PAN2: variants seen among roughly 807,000 people sequenced by gnomAD.
PAN2 encodes poly(A) specific ribonuclease subunit PAN2.
PAN2 carries 68 observed loss-of-function variants against 133.3 expected under a neutral mutation model. The observed-to-expected ratio is 0.51, with a 90% CI of 0.42 to 0.62. The LOEUF is 0.62. Ranked by LOEUF, PAN2 falls within the 20% of genes least tolerant of loss-of-function variation. The pLI is 0.00. For missense variants in PAN2, 1,042 were observed against 1,500.5 expected (o/e 0.69, Z 5.05); for synonymous variants, 462 against 544.6 (o/e 0.85, Z 2.11).
At chr12:56,333,387 C>T (rs1876124614) in intron 1 of PAN2, 179 bp from the exon 2 acceptor site, 1 of 454,456 alleles carries the variant, frequency 2.2e-6, no homozygotes, top group African/African-American at 2.0e-5. Flanking sequence ...GAACTGTTGT[C>T]CCTATCCCTC....
intron 13 of PAN2, 38 bp from the exon 14 acceptor site, chr12:56,323,951 C>T: frequency 2.5e-6 from 4 of 1,605,826 alleles, no homozygotes; most frequent in Non-Finnish European, 3.4e-6. Context: ...TGGTTCTCCC[C>T]TCTACCCACA....
At chr12:56,318,180 C>CA in intron 25 of PAN2, 57 bp downstream of exon 25, 1 of 1,469,236 alleles carries the variant, frequency 6.8e-7, no homozygotes, top group Non-Finnish European at 9.5e-7. Context: ...CTGTCACAAA[C>CA]AAACAAAATA....
chr12:56,326,511 C>A, intron 7 of PAN2, 102 bp from the exon 8 acceptor site: 2 of 1,505,636 alleles, frequency 1.3e-6, no homozygotes, highest in Non-Finnish European at 1.8e-6. Context: ...TGAAGGTAGA[C>A]AAAAATCAGG....
At chr12:56,322,896 C>G in intron 17 of PAN2, 138 bp from the exon 18 acceptor site, 1 of 1,247,720 alleles carries the variant, frequency 8.0e-7, no homozygotes, top group South Asian at 1.4e-5. Flanking sequence ...CCATCTAGGA[C>G]CCCAACACTG....
chr12:56,320,231 C>G (rs1874331213), intron 20 of PAN2, among the ~76,000 whole-genome samples: 1 of 152,066 alleles, frequency 6.6e-6, no homozygotes, highest in Non-Finnish European at 1.5e-5. Context: ...GAGAAAAAAC[C>G]AGAAAAGACC....
rs201010961 is a variant in PAN2 at position 56,324,598 on chromosome 12, G to A, written c.1711C>T (p.Arg571Cys). The change falls in exon 11 of 26, where the codon CGT (arginine) becomes TGT (cysteine). Residue 571 changes from arginine (R) to cysteine (C), a missense_variant. Physicochemically the swap from Arg to Cys is radical, Grantham distance 180. Coordinates refer to ENST00000440411, the MANE Select transcript of PAN2 (RefSeq NM_014871.6). ...GTACTGACCTGGCAAGGGTCACCAC[G>A]AGAGAGGTCCAACATGTGAAACAGG... is the stretch of plus-strand genomic sequence containing the variant. Reference protein sequence around the residue: ...GFLFHMLDLSRGDPCQGNNFL... With the variant: ...GFLFHMLDLSCGDPCQGNNFL... 14 of 1,614,036 alleles carry A rather than the reference G, an allele frequency of 8.7e-6. No homozygotes were observed. The Admixed American group carries it at 1.2e-4, about 13-fold the overall frequency.
In PAN2 at chr12:56,318,315, C is replaced by T; in HGVS notation, c.3484G>A (p.Val1162Met). ...CCCTTCTCATAAAGACCCTTGAGCA[C>T]CTTGTGGAAAGACTCAGGCTCAGTG... ...NGTEPESFHK[V>M]LKGLYEKGRK... Residue 1162 changes from valine (V) to methionine (M), a missense_variant, in exon 25 of 26, where the codon GTG (valine) becomes ATG (methionine). Val to Met is a conservative substitution (Grantham distance 21). This residue lies in a region of PAN2 where 85 missense variants were observed against 116.5 expected (regional missense o/e 0.73). Transcript: ENST00000440411. 1.2e-6 allele frequency: 2 copies of T among 1,614,124 alleles called. No individual in the cohort carries two copies. Among genetic ancestry groups the T allele is most frequent in the Non-Finnish European group, 1.7e-6 (2 of 1,180,014 alleles).
chr12:56,326,349 G>A lies in PAN2; in HGVS notation c.1323C>T (p.Gly441=). Residue 441 remains glycine, a synonymous_variant, in exon 8 of 26, where the codon GGC becomes GGT. Transcript: ENST00000440411. The stretch of plus-strand genomic sequence containing the variant: ...GCCTGGTGCGGGGATTGGGCGCATA[G>A]CCAATGAAGCCCACCTTCTTCATGG... The part of the protein sequence containing the change: ...LRTMKKVGFI[G]YAPNPRTRLR... 1 of 1,605,294 alleles carries A rather than the reference G, an allele frequency of 6.2e-7. No homozygotes were observed. The highest frequency in any genetic ancestry group is 8.5e-7 in the Non-Finnish European group (1 of 1,174,034).
Position 56,324,982 on chromosome 12 carries a change from C to T in PAN2, c.1599+27G>A, listed in dbSNP as rs1323824948. ...GAAGAAGAAAAGCAGCAGGCACGTT[C>T]AAGTTACAGGAATACCCAACCCTTA... On this transcript the variant is annotated intron_variant, in intron 10 of 25. Transcript: ENST00000440411. 4 of 1,611,542 alleles carry T rather than the reference C, an allele frequency of 2.5e-6. No homozygotes were observed. The East Asian group carries it at 8.9e-5, about 36-fold the overall frequency.
intron 8 of PAN2, among the ~76,000 whole-genome samples, 186 bp downstream of exon 8, chr12:56,326,127 C>T (rs1271119957): frequency 1.3e-5 from 2 of 152,230 alleles, no homozygotes; most frequent in African/African-American, 4.8e-5. Context: ...CAACCAAATA[C>T]TAAACTTCCT....
intron 24 of PAN2, chr12:56,318,679 T>C (rs1348424179): frequency 8.1e-6 from 4 of 494,044 alleles, no homozygotes; most frequent in South Asian, 6.6e-5. Flanking sequence ...CTTTTTCTTT[T>C]CCCCCCATGC....
At chr12:56,333,342 C>T in intron 1 of PAN2, 134 bp from the exon 2 acceptor site, 2 of 410,794 alleles carry the variant, frequency 4.9e-6, no homozygotes, top group South Asian at 2.5e-5. Context: ...ATGAAGCAGG[C>T]GGGGGAGGGA....
Position 56,321,867 on chromosome 12 carries a change from T to A in PAN2, c.2788+211A>T, listed in dbSNP as rs55639031. Among the ~76,000 whole-genome samples, 109 of 150,120 alleles carry A rather than the reference T, an allele frequency of 7.3e-4. 2 individuals are homozygous for A. Among genetic ancestry groups the A allele is most frequent in the African/African-American group, 2.1e-3 (85 of 40,822 alleles). On this transcript the variant is annotated intron_variant, in intron 20 of 25. Transcript: ENST00000440411. ...CTGCATCTCAAAAAAAAAAAAAAAA[T>A]TTTTTTTCAAAGAGATGGGATCTTG...
rs761227821 is a variant in PAN2, at chr12:56,324,088, C to A, written c.2026G>T (p.Ala676Ser). 6.2e-7 allele frequency: 1 copy of A among 1,614,144 alleles called. No homozygotes were observed. Among genetic ancestry groups the A allele is most frequent in the Non-Finnish European group, 8.5e-7 (1 of 1,180,032 alleles). Reference protein sequence around the residue: ...LCRCGSETVRASSTLLFTLSY... With the variant: ...LCRCGSETVRSSSTLLFTLSY... ...AGTGTGAAAAGCAGAGTGGATGAGG[C>A]TCGCACGGTCTCACTGCCACAGCGG... Residue 676 changes from alanine to serine, a missense_variant, in exon 13 of 26, where the codon GCC (alanine) becomes TCC (serine). By Grantham distance (99) the Ala-to-Ser change is moderately conservative. This residue lies in a region of PAN2 where 908 missense variants were observed against 1,223.5 expected (regional missense o/e 0.74). Coordinates refer to ENST00000440411, the MANE Select transcript of PAN2 (RefSeq NM_014871.6).
chr12:56,321,751 T>G (rs1255114048), intron 20 of PAN2, among the ~76,000 whole-genome samples: 2 of 150,448 alleles, frequency 1.3e-5, no homozygotes, highest in Non-Finnish European at 3.0e-5. Flanking sequence ...CTCAGGAGGC[T>G]GAGGCAGGAG....
intron 3 of PAN2, 42 bp downstream of exon 3, chr12:56,328,430 G>C: frequency 6.2e-7 from 1 of 1,609,514 alleles, no homozygotes; most frequent in Non-Finnish European, 8.5e-7. Flanking sequence ...CCCACCCTAT[G>C]AGGCATCCTC....
rs748790939 is a variant in PAN2 at position 56,319,508 on chromosome 12, A to T, written c.3091-21T>A. The T allele has an allele frequency of 2.5e-6, 4 of 1,604,656 alleles. No homozygotes were observed. The highest frequency in any genetic ancestry group is 3.4e-6 in the Non-Finnish European group (4 of 1,174,808). On this transcript the variant is annotated intron_variant, in intron 22 of 25. Transcript: ENST00000440411. This position sits in a 1 kb window ranked among gnomAD's most constrained non-coding sequence, Gnocchi z 5.4. ...ACCACCTAGGAATAGAGAAAAGGAC[A>T]AGCCTTTTTCAGGAAGTGAGATGGA...
In PAN2 at chr12:56,332,841, T is replaced by C; in HGVS notation, c.254A>G (p.Glu85Gly). The change falls in exon 2 of 26, where the codon GAG (glutamate) becomes GGG (glycine). Residue 85 changes from glutamate to glycine, a missense_variant. Glu to Gly is a moderately conservative substitution (Grantham distance 98). Transcript: ENST00000440411. ...GTGGCTCCCCACCCACAGCATCTCC[T>C]CGTGCAAGTCAAAGTGGGAGACGGA... ...PVSVSHFDLH[E>G]EMLWVGSHGG... 1.2e-6 allele frequency: 2 copies of C among 1,614,132 alleles called. No individual in the cohort carries two copies. The highest frequency in any genetic ancestry group is 1.7e-6 in the Non-Finnish European group (2 of 1,180,028).
rs1246481616 is a variant in PAN2 at position 56,319,837 on chromosome 12, A to G, written c.2946+27T>C. On this transcript the variant is annotated intron_variant, in intron 21 of 25. Transcript: ENST00000440411. The surrounding 1 kb of genome is among the most constrained non-coding windows in gnomAD (Gnocchi z 5.4). ...CTAATATCCTCAGCGTTCTCTTCCA[A>G]TGCCCCATCCCTTTGGTCTTGGTTA... 1.2e-6 allele frequency: 2 copies of G among 1,613,984 alleles called. No individual in the cohort carries two copies. The highest frequency in any genetic ancestry group is 1.7e-6 in the Non-Finnish European group (2 of 1,179,974).
Sources: allele counts gnomAD v4.1 joint callset (sites outside exome capture counted in the v4.1 genomes callset), GRCh38; gene constraint gnomAD v4.1.1; regional missense constraint gnomAD v4.1.1; non-coding constraint Gnocchi (gnomAD v3.1); transcripts MANE v1.5; gene names NCBI Gene and HGNC (gene_info 2026-07-23, HGNC 2026-07-21).